The following LRMDA variants were observed in gnomAD, a reference collection of about 807,000 sequenced individuals.
The protein encoded by LRMDA is leucine-rich melanocyte differentiation-associated protein.
In LRMDA, 18 loss-of-function variants were observed where a neutral mutation model predicts 29.8. The ratio of observed to expected loss-of-function variants is 0.60; its 90% CI spans 0.42 to 0.90. The LOEUF is 0.90. Among genes scored for constraint, LRMDA ranks in the 40% least tolerant of loss-of-function variants. LRMDA has a pLI of 0.00. For synonymous variants in LRMDA, 125 were observed against 109.4 expected, an observed-to-expected ratio of 1.14 and a Z score of -0.89; for missense variants, 273 against 273.9, an observed-to-expected ratio of 1.00 and a Z score of 0.02.
At chr10:76,538,290 G>A (rs540037806) in intron 6 of LRMDA, among the ~76,000 whole-genome samples, 19 of 151,526 alleles carry the variant, frequency 1.3e-4, no homozygotes, top group African/African-American at 4.1e-4. Context: ...GTCATTCTTA[G>A]TCTCTGGTTT....
At chr10:75,527,746 A>G (rs1358687844) in intron 2 of LRMDA, among the ~76,000 whole-genome samples, 1 of 147,400 alleles carries the variant, frequency 6.8e-6, no homozygotes, top group East Asian at 1.9e-4. Context: ...TTATAATATA[A>G]ATAATATATA....
At chr10:75,710,148 G>A (rs896994878) in intron 2 of LRMDA, among the ~76,000 whole-genome samples, 1 of 152,172 alleles carries the variant, frequency 6.6e-6, no homozygotes, top group South Asian at 2.1e-4. Flanking sequence ...GGGAGCAATA[G>A]CAGAATTAAT....
In LRMDA at chr10:75,752,575, T is replaced by C. The variant is rs142935852; in HGVS notation, c.132-283433T>C. ...TCAGTAATTAGTACACGTGGTATAC[T>C]TTGGTATGGTGACATCATGAAGGTG... On this transcript the variant is annotated intron_variant, in intron 2 of 6. Transcript: ENST00000611255. Among the ~76,000 whole-genome samples, 976 of 152,278 alleles carry C rather than the reference T, an allele frequency of 6.4e-3. 11 individuals are homozygous for C. Among genetic ancestry groups the C allele is most frequent in the African/African-American group, 0.022 (900 of 41,534 alleles).
At chr10:76,388,807 A>G (rs896760361) in intron 6 of LRMDA, among the ~76,000 whole-genome samples, 20 of 152,222 alleles carry the variant, frequency 1.3e-4, no homozygotes, top group Admixed American at 2.0e-4. Context: ...TTTAATCCTC[A>G]CTACAATTCA....
intron 6 of LRMDA, among the ~76,000 whole-genome samples, chr10:76,469,981 A>G (rs1842601815): frequency 6.6e-6 from 1 of 152,136 alleles, no homozygotes; most frequent in East Asian, 1.9e-4. Flanking sequence ...ATCATGGATT[A>G]ACAATTAGCT....
At chr10:76,459,380 G>A (rs558413678) in intron 6 of LRMDA, among the ~76,000 whole-genome samples, 19 of 152,232 alleles carry the variant, frequency 1.2e-4, no homozygotes, top group South Asian at 1.0e-3. Flanking sequence ...AACTTTCTCC[G>A]TCACTTGGGA....
intron 6 of LRMDA, among the ~76,000 whole-genome samples, chr10:76,408,238 G>A (rs954606368): frequency 4.6e-5 from 7 of 152,164 alleles, no homozygotes; most frequent in Non-Finnish European, 1.0e-4. Context: ...GCGCACAACT[G>A]TGGTAATGTC....
intron 5 of LRMDA, among the ~76,000 whole-genome samples, chr10:76,270,038 G>A (rs188695855): frequency 1.6e-4 from 24 of 152,150 alleles, no homozygotes; most frequent in East Asian, 1.9e-4. Context: ...TTTGTTCCCC[G>A]TCAGTATTTA....
intron 6 of LRMDA, among the ~76,000 whole-genome samples, chr10:76,446,050 C>T (rs1842351292): frequency 1.3e-5 from 2 of 152,258 alleles, no homozygotes; most frequent in Non-Finnish European, 2.9e-5. Flanking sequence ...TCCTTTTATC[C>T]TTTTATTGCG....
rs1467216101 is a variant in LRMDA, at chr10:76,478,966, G to A, written c.602-78243G>A. Among the ~76,000 whole-genome samples, 8 of 151,694 alleles carry A rather than the reference G, an allele frequency of 5.3e-5. No individual in the cohort carries two copies. The East Asian group carries it at 5.8e-4, about 11-fold the overall frequency. On this transcript the variant is annotated intron_variant, in intron 6 of 6. Coordinates refer to ENST00000611255, the MANE Select transcript of LRMDA (RefSeq NM_001305581.2). ...TAATGTAAATGACTAGTTAATGGGT[G>A]CAGCACACCAACATGGCACATGTAT...
intron 2 of LRMDA, among the ~76,000 whole-genome samples, chr10:76,004,976 C>T (rs528290672): frequency 6.6e-6 from 1 of 152,288 alleles, no homozygotes; most frequent in South Asian, 2.1e-4. Context: ...ATCCACCCAC[C>T]TCGGCCTCCC....
intron 2 of LRMDA, among the ~76,000 whole-genome samples, chr10:75,948,817 T>C (rs147717972): frequency 6.6e-6 from 1 of 152,074 alleles, no homozygotes; most frequent in African/African-American, 2.4e-5. Flanking sequence ...TCAGATGATG[T>C]TGGTGTCCGG....
intron 2 of LRMDA, among the ~76,000 whole-genome samples, chr10:75,996,291 T>C (rs1847460463): frequency 6.6e-6 from 1 of 152,228 alleles, no homozygotes; most frequent in South Asian, 2.1e-4. Context: ...CTGGAAATTA[T>C]AGAAGATTTG....
intron 2 of LRMDA, among the ~76,000 whole-genome samples, chr10:75,971,670 C>T (rs1846973664): frequency 6.6e-6 from 1 of 152,164 alleles, no homozygotes; most frequent in African/African-American, 2.4e-5. Flanking sequence ...CTGCAATTTC[C>T]TTCCATCTAT....
At chr10:75,687,812 G>A (rs1201028136) in intron 2 of LRMDA, among the ~76,000 whole-genome samples, 1 of 152,154 alleles carries the variant, frequency 6.6e-6, no homozygotes, top group Non-Finnish European at 1.5e-5. Flanking sequence ...ACTGCAGCTG[G>A]CAACTTGAAG....
At position 75,452,383 on chromosome 10, in the gene LRMDA, A is replaced by G. The variant is rs559568098; in HGVS notation, c.131+13889A>G. On this transcript the variant is annotated intron_variant, in intron 2 of 6. Transcript: ENST00000611255. ...TTGCTGTTCACGCCGCTAAGGGAGA[A>G]ACTGCATGTTTTGAGACTTGGGGTC... 2.0e-5 allele frequency among the ~76,000 whole-genome samples: 3 copies of G among 152,234 alleles called. No individual in the cohort carries two copies. In the South Asian group the frequency reaches 6.2e-4, roughly 32 times the overall value.
chr10:76,066,989 C>T (rs775976812), intron 5 of LRMDA, among the ~76,000 whole-genome samples: 18 of 152,190 alleles, frequency 1.2e-4, no homozygotes, highest in Non-Finnish European at 2.1e-4. Flanking sequence ...TCCCAGCACC[C>T]AGGCCAGTGT....
At chr10:76,521,736 A>G (rs1468229058) in intron 6 of LRMDA, among the ~76,000 whole-genome samples, 3 of 152,182 alleles carry the variant, frequency 2.0e-5, no homozygotes, top group Non-Finnish European at 4.4e-5. Context: ...TCAGATATAA[A>G]TATTTTTTCG....
At chr10:75,686,750 G>T (rs1172568660) in intron 2 of LRMDA, among the ~76,000 whole-genome samples, 1 of 152,050 alleles carries the variant, frequency 6.6e-6, no homozygotes, top group Non-Finnish European at 1.5e-5. Flanking sequence ...TTGTTTTATT[G>T]CACTTTGCAG....
Sources: gnomAD v4.1 joint callset for allele counts (sites outside exome capture counted in the v4.1 genomes callset) on GRCh38, gnomAD v4.1.1 for gene constraint, MANE v1.5 for transcripts, NCBI Gene and HGNC (gene_info 2026-07-23, HGNC 2026-07-21) for gene names.